Variants in CSMD1 observed in about 807,000 individuals in gnomAD.
CSMD1 encodes the protein CUB and Sushi multiple domains 1, also known as CUB and sushi domain-containing protein 1.
Under a neutral mutation model 417.5 loss-of-function variants are expected in CSMD1, and 213 were observed. The ratio of observed to expected loss-of-function variants is 0.51; its 90% CI spans 0.46 to 0.57. The LOEUF (loss-of-function observed/expected upper bound fraction) is 0.57. Among genes scored for constraint, CSMD1 ranks in the 20% least tolerant of loss-of-function variants. The pLI is 0.00. For missense variants in CSMD1, 6,923 were observed against 4,529.7 expected, an observed-to-expected ratio of 1.53 and a Z score of -15.17; for synonymous variants, 2,862 against 1,736.8, an observed-to-expected ratio of 1.65 and a Z score of -16.11.
intron 11 of CSMD1, among the ~76,000 whole-genome samples, chr8:3,476,942 G>C (rs113592940): frequency 2.0e-5 from 3 of 148,022 alleles, no homozygotes; most frequent in Non-Finnish European, 4.5e-5. Flanking sequence ...ATGTGAATCA[G>C]TAAGTAGTTC....
At position 3,409,592 on chromosome 8, in the gene CSMD1, T is replaced by G. The variant is rs959422164; in HGVS notation, c.1575A>C (p.Gly525=). 1.3e-6 allele frequency: 2 copies of G among 1,586,560 alleles called. No individual in the cohort carries two copies. Among genetic ancestry groups the G allele is most frequent in the African/African-American group, 2.7e-5 (2 of 74,018 alleles). The part of the protein sequence containing the change: ...FKAVYQEIEK[G]GCGDPGIPAY... Reference sequence around the variant, plus strand: ...CGGGGATTCCAGGATCCCCACACCCTCCCTTTTCAATTTCTGAAAATGGAA... The same window carrying G: ...CGGGGATTCCAGGATCCCCACACCCGCCCTTTTCAATTTCTGAAAATGGAA... Residue 525 remains glycine (G), a synonymous_variant, in exon 13 of 70, where the codon GGA becomes GGC. Transcript: ENST00000635120.
At chr8:3,179,151 T>C (rs1452484704) in intron 37 of CSMD1, among the ~76,000 whole-genome samples, 5 of 151,232 alleles carry the variant, frequency 3.3e-5, no homozygotes, top group African/African-American at 4.9e-5. Context: ...TTCAACGTGT[T>C]AGCCAGGACT....
At chr8:4,130,742 G>C (rs1048920303) in intron 3 of CSMD1, among the ~76,000 whole-genome samples, 1 of 151,906 alleles carries the variant, frequency 6.6e-6, no homozygotes, top group Non-Finnish European at 1.5e-5. Context: ...TCAACTCAAA[G>C]GAAGATTTTG....
intron 1 of CSMD1, among the ~76,000 whole-genome samples, chr8:4,854,655 C>T (rs1219304285): frequency 6.6e-6 from 1 of 152,132 alleles, no homozygotes; most frequent in Admixed American, 6.5e-5. Flanking sequence ...GGGTGACGGA[C>T]AGCACCTGGA....
chr8:3,606,892 T>C (rs1801645062), intron 8 of CSMD1, among the ~76,000 whole-genome samples: 1 of 151,876 alleles, frequency 6.6e-6, no homozygotes, highest in Admixed American at 6.6e-5. Context: ...TTTGTATTTT[T>C]GTAGAGACAG....
At chr8:4,852,227 A>G (rs1318409995) in intron 1 of CSMD1, among the ~76,000 whole-genome samples, 4 of 152,178 alleles carry the variant, frequency 2.6e-5, no homozygotes, top group Admixed American at 2.6e-4. Context: ...TTGCCTCCAA[A>G]TCTCAGGTTG....
intron 5 of CSMD1, among the ~76,000 whole-genome samples, chr8:3,951,999 A>G (rs534023883): frequency 6.6e-6 from 1 of 152,330 alleles, no homozygotes; most frequent in East Asian, 1.9e-4. Context: ...ACTTGGAACA[A>G]CTTCACCATT....
chr8:4,779,501 C>G (rs1004981179), intron 1 of CSMD1, among the ~76,000 whole-genome samples: 1 of 151,968 alleles, frequency 6.6e-6, no homozygotes, highest in African/African-American at 2.4e-5. Flanking sequence ...ATGCAGAGTC[C>G]TAAACCCAAT....
At chr8:4,335,255 A>G (rs967727375) in intron 3 of CSMD1, among the ~76,000 whole-genome samples, 1 of 152,036 alleles carries the variant, frequency 6.6e-6, no homozygotes, top group Non-Finnish European at 1.5e-5. Context: ...CTTCACCCTT[A>G]TGACCTAACC....
intron 5 of CSMD1, among the ~76,000 whole-genome samples, chr8:3,776,997 A>T (rs1186492119): frequency 6.6e-6 from 1 of 151,370 alleles, no homozygotes; most frequent in Non-Finnish European, 1.5e-5. Flanking sequence ...TACATGCATG[A>T]CCCCCCACAT....
At position 3,382,419 on chromosome 8, in the gene CSMD1, CATAAT is replaced by C. The variant is rs941772042; in HGVS notation, c.2782+5070_2782+5074del. 6.6e-5 allele frequency among the ~76,000 whole-genome samples: 9 copies of C among 136,680 alleles called. No homozygotes were observed. The South Asian group carries it at 1.4e-3, about 21-fold the overall frequency. 89.7% of individuals were successfully genotyped at this position (136,680 alleles called of 152,430 possible). ...ATATGTTATTATATAATATATAACA[CATAAT>C]ATATTATATAATAACATATATAATA... On this transcript the variant is annotated intron_variant, in intron 18 of 69. Coordinates refer to ENST00000635120, the MANE Select transcript of CSMD1 (RefSeq NM_033225.6).
chr8:2,991,693 A>C (rs749172395), intron 54 of CSMD1, among the ~76,000 whole-genome samples: 10 of 152,234 alleles, frequency 6.6e-5, no homozygotes, highest in Non-Finnish European at 1.2e-4. Flanking sequence ...TGAGTCACTG[A>C]AGTATTCAAA....
intron 5 of CSMD1, among the ~76,000 whole-genome samples, chr8:3,792,248 G>C (rs1391148037): frequency 2.0e-5 from 3 of 152,004 alleles, no homozygotes; most frequent in African/African-American, 2.4e-5. Flanking sequence ...AGTTATGATA[G>C]TGCCACTACA....
rs1554475387 is a variant in CSMD1 at position 3,889,494 on chromosome 8, A to ATATATATATATATAT, written c.818+108408_818+108409insATATATATATATATA. ...ATATATATATATATATATATATATA[A>ATATATATATATATAT]AATATGCTCATTAGGTCATGATATA... On this transcript the variant is annotated intron_variant, in intron 5 of 69. Coordinates refer to ENST00000635120, the MANE Select transcript of CSMD1 (RefSeq NM_033225.6). 1.9e-3 allele frequency among the ~76,000 whole-genome samples: 75 copies of ATATATATATATATAT among 38,480 alleles called. 11 individuals carry two copies. Among genetic ancestry groups the ATATATATATATATAT allele is most frequent in the South Asian group, 5.4e-3 (5 of 920 alleles). 25.2% of individuals were successfully genotyped at this position (38,480 alleles called of 152,430 possible). A position where few individuals can be genotyped will look rare whatever the true frequency, so the allele number is the denominator to read the frequency against.
intron 3 of CSMD1, among the ~76,000 whole-genome samples, chr8:4,236,471 G>T (rs1208552129): frequency 6.6e-6 from 1 of 152,084 alleles, no homozygotes; most frequent in Non-Finnish European, 1.5e-5. Flanking sequence ...AAACACAACT[G>T]GCTGTATTCA....
intron 6 of CSMD1, among the ~76,000 whole-genome samples, chr8:3,737,434 A>G (rs1223910286): frequency 6.6e-6 from 1 of 152,224 alleles, no homozygotes; most frequent in East Asian, 1.9e-4. Flanking sequence ...ATTATTTTAG[A>G]ATTAAAGTTA....
chr8:4,165,833 C>A (rs1389907394), intron 3 of CSMD1, among the ~76,000 whole-genome samples: 1 of 152,196 alleles, frequency 6.6e-6, no homozygotes. Context: ...TGTTGCAAAA[C>A]TAATTGCGTT....
chr8:4,207,164 G>C (rs536338145), intron 3 of CSMD1, among the ~76,000 whole-genome samples: 3 of 152,260 alleles, frequency 2.0e-5, no homozygotes, highest in Admixed American at 2.0e-4. Context: ...TATAGGTATA[G>C]TAATAAGTAT....
chr8:3,617,439 T>C (rs1414120710), intron 7 of CSMD1, among the ~76,000 whole-genome samples: 2 of 152,218 alleles, frequency 1.3e-5, no homozygotes, highest in African/African-American at 2.4e-5. Context: ...TTTCATCCTG[T>C]ATAATTTGTC....
Sources: allele counts gnomAD v4.1 joint callset (sites outside exome capture counted in the v4.1 genomes callset), GRCh38; gene constraint gnomAD v4.1.1; transcripts MANE v1.5; gene names NCBI Gene and HGNC (gene_info 2026-07-23, HGNC 2026-07-21).